Variants in NR4A3 observed in about 807,000 individuals in gnomAD.
The protein encoded by NR4A3 is chondrosarcoma, extraskeletal myxoid, fused to EWS.
In NR4A3, 13 loss-of-function variants were observed where a neutral mutation model predicts 55.6. That is an observed-to-expected ratio of 0.23 (90% CI 0.15 to 0.37). NR4A3 has a LOEUF of 0.37. Among genes scored for constraint, NR4A3 ranks in the 10% least tolerant of loss-of-function variants. The pLI is 1.00. For synonymous variants in NR4A3, 342 were observed against 357.9 expected, an observed-to-expected ratio of 0.96 and a Z score of 0.50; for missense variants, 646 against 822.8, an observed-to-expected ratio of 0.79 and a Z score of 2.63.
chr9:99,862,565 AAAAAAAAAAAAAAAAAAAGAG>A (rs1828026387), intron 7 of NR4A3, among the ~76,000 whole-genome samples: 1 of 43,146 alleles, frequency 2.3e-5, no homozygotes, highest in Non-Finnish European at 7.6e-5. Flanking sequence ...AAAAAAAAAA[AAAAAAAAAAAAAAAAAAAGAG>A]AGAGAAATGA....
At chr9:99,843,673 C>CA (rs869165613) in intron 5 of NR4A3, among the ~76,000 whole-genome samples, 1 of 122,296 alleles carries the variant, frequency 8.2e-6, no homozygotes. Flanking sequence ...CCCATTTCTA[C>CA]AAAAAAAATT....
At chr9:99,862,279 C>T (rs753854992) in intron 7 of NR4A3, among the ~76,000 whole-genome samples, 3 of 151,662 alleles carry the variant, frequency 2.0e-5, no homozygotes, top group East Asian at 1.9e-4. Context: ...CACAGTGGCT[C>T]ATGCCTGTAA....
At chr9:99,852,048 T>C (rs1427577624) in intron 7 of NR4A3, among the ~76,000 whole-genome samples, 1 of 152,204 alleles carries the variant, frequency 6.6e-6, no homozygotes, top group African/African-American at 2.4e-5. Context: ...TAGTGATTAG[T>C]GCTCAGGCCC....
chr9:99,833,580 A>C (rs368133506), intron 5 of NR4A3, 126 bp downstream of exon 5: 1 of 1,605,790 alleles, frequency 6.2e-7, no homozygotes, highest in Non-Finnish European at 8.5e-7. Context: ...TACTTTTTCT[A>C]TATTTCTCGC....
At chr9:99,841,666 G>T (rs1231536826) in intron 5 of NR4A3, among the ~76,000 whole-genome samples, 1 of 152,212 alleles carries the variant, frequency 6.6e-6, no homozygotes, top group East Asian at 1.9e-4. Context: ...TCCCAGCATA[G>T]ATTGTAGGGA....
chr9:99,828,920 C>A lies in NR4A3; in HGVS notation c.878C>A (p.Ala293Asp). 3 of 1,473,788 alleles carry A rather than the reference C, an allele frequency of 2.0e-6. No homozygotes were observed. Among genetic ancestry groups the A allele is most frequent in the South Asian group, 2.6e-5 (2 of 75,866 alleles). The allele number at this position is 1,473,788 out of a possible 1,614,324, so 91.3% of individuals were successfully genotyped here. ...TCGTCGTCTGGCGAGGGCACGTGTG[C>A]CGTGTGCGGGGACAACGCCGCCTGC... ...RSSSSGEGTCAVCGDNAACQH... is the reference protein window; with the variant it reads ...RSSSSGEGTCDVCGDNAACQH... The change falls in exon 3 of 8, where the codon GCC (alanine) becomes GAC (aspartate). Residue 293 changes from alanine to aspartate, a missense_variant. Around this residue, in one of 5 missense-constraint regions of NR4A3, gnomAD observed 426 missense variants for 429.4 expected, o/e 0.99. Transcript: ENST00000395097. This position sits in a 1 kb window ranked among gnomAD's most constrained non-coding sequence, Gnocchi z 7.7.
At position 99,863,907 on chromosome 9, in the gene NR4A3, A is replaced by C; in HGVS notation, c.*40A>C. 6.3e-7 allele frequency: 1 copy of C among 1,582,480 alleles called. No individual in the cohort carries two copies. Among genetic ancestry groups the C allele is most frequent in the African/African-American group, 1.3e-5 (1 of 74,132 alleles). On this transcript the variant is annotated 3_prime_UTR_variant, in exon 8 of 8. Transcript: ENST00000395097. ...GCAGTGAGCTGCCTCCTCTCCTAGC[A>C]CCTGCTTGCTACGCAGCAAAGGGAT...
chr9:99,844,613 G>T, intron 5 of NR4A3, 36 bp from the exon 6 acceptor site: 1 of 1,570,466 alleles, frequency 6.4e-7, no homozygotes, highest in Non-Finnish European at 8.8e-7. Flanking sequence ...CCCCACTGAA[G>T]CAGGATAATG....
In NR4A3 at chr9:99,865,980, G is replaced by A; in HGVS notation, c.*2113G>A. 9.1e-6 allele frequency: 2 copies of A among 219,632 alleles called. No individual in the cohort carries two copies. Among genetic ancestry groups the A allele is most frequent in the Non-Finnish European group, 1.8e-5 (2 of 109,350 alleles). The allele number at this position is 219,632 out of a possible 1,614,324, so 13.6% of individuals were successfully genotyped here. On this transcript the variant is annotated 3_prime_UTR_variant, in exon 8 of 8. Coordinates refer to ENST00000395097, the MANE Select transcript of NR4A3 (RefSeq NM_006981.4). This position sits in a 1 kb window ranked among gnomAD's most constrained non-coding sequence, Gnocchi z 4.3. ...GTGAAGAGTTACTCAAGGTCAAACA[G>A]CTGGTAACAGAATCAAGACTAAGAC...
chr9:99,864,097 T>TTG lies in NR4A3; in HGVS notation c.*230_*231insTG. 1 of 370,148 alleles carries TTG rather than the reference T, an allele frequency of 2.7e-6. No individual in the cohort carries two copies. The highest frequency in any genetic ancestry group is 4.4e-5 in the Admixed American group (1 of 22,820). The allele number at this position is 370,148 out of a possible 1,614,324, so 22.9% of individuals were successfully genotyped here. On this transcript the variant is annotated 3_prime_UTR_variant, in exon 8 of 8. Transcript: ENST00000395097. ...TGTTTTATATTTAGGCATTGGGGGA[T>TTG]GGGGTGGGAGGGGGTTATAGTTCAT... is the stretch of plus-strand genomic sequence containing the variant.
intron 5 of NR4A3, among the ~76,000 whole-genome samples, chr9:99,842,709 G>A (rs956024561): frequency 6.6e-6 from 1 of 151,722 alleles, no homozygotes; most frequent in South Asian, 2.1e-4. Flanking sequence ...CAGCCTGGGC[G>A]ACAGAGCAAG....
chr9:99,844,985 C>A, intron 6 of NR4A3, 137 bp downstream of exon 6: 1 of 732,338 alleles, frequency 1.4e-6, no homozygotes, highest in Non-Finnish European at 2.3e-6. Flanking sequence ...AAAGACTGAG[C>A]AGCGAGTCAC....
intron 3 of NR4A3, among the ~76,000 whole-genome samples, chr9:99,830,372 T>A (rs1827415368): frequency 6.6e-6 from 1 of 152,240 alleles, no homozygotes; most frequent in African/African-American, 2.4e-5. Flanking sequence ...AAAATATATA[T>A]GAAAGTGCTT....
chr9:99,846,352 AG>A (rs1827753421), intron 6 of NR4A3, among the ~76,000 whole-genome samples: 1 of 152,256 alleles, frequency 6.6e-6, no homozygotes, highest in East Asian at 1.9e-4. Context: ...CAATCTTAGG[AG>A]GTAGCAATTA....
At chr9:99,829,060 G>A in intron 3 of NR4A3, 67 bp downstream of exon 3, 1 of 1,271,538 alleles carries the variant, frequency 7.9e-7, no homozygotes, top group South Asian at 2.5e-5. Flanking sequence ...CTAAGTGAGT[G>A]TAGGAGCATC....
chr9:99,862,564 AAAAAAAAAAAAAAAAAAAAG>A (rs1208287082), intron 7 of NR4A3, among the ~76,000 whole-genome samples: 2 of 41,720 alleles, frequency 4.8e-5, no homozygotes, highest in Admixed American at 2.1e-4. Flanking sequence ...AAAAAAAAAA[AAAAAAAAAAAAAAAAAAAAG>A]AGAGAGAAAT....
At chr9:99,847,928 AG>A (rs1471100932) in intron 7 of NR4A3, among the ~76,000 whole-genome samples, 1 of 152,218 alleles carries the variant, frequency 6.6e-6, no homozygotes, top group East Asian at 1.9e-4. Context: ...GTTTTGAGAC[AG>A]GGTCTTGCTC....
chr9:99,850,676 C>T (rs557266560), intron 7 of NR4A3, among the ~76,000 whole-genome samples: 1 of 152,244 alleles, frequency 6.6e-6, no homozygotes, highest in Admixed American at 6.5e-5. Flanking sequence ...AATAAGTAGG[C>T]GCTATTGGGG....
intron 5 of NR4A3, among the ~76,000 whole-genome samples, chr9:99,838,726 A>C (rs900058134): frequency 1.3e-5 from 2 of 152,214 alleles, no homozygotes; most frequent in Non-Finnish European, 2.9e-5. Flanking sequence ...GTTTGCTTTA[A>C]AATGCAGATT....
Sources: gnomAD v4.1 joint callset for allele counts (sites outside exome capture counted in the v4.1 genomes callset) on GRCh38, gnomAD v4.1.1 for gene constraint, gnomAD v4.1.1 regional missense constraint, Gnocchi (gnomAD v3.1) non-coding constraint, MANE v1.5 for transcripts, NCBI Gene and HGNC (gene_info 2026-07-23, HGNC 2026-07-21) for gene names.